The following USP42 variants were observed in gnomAD, a reference collection of about 807,000 sequenced individuals.
The protein encoded by USP42 is ubiquitin specific peptidase 42, also known as ubiquitin carboxyl-terminal hydrolase 42.
Under a neutral mutation model 113.0 loss-of-function variants are expected in USP42, and 23 were observed. That is an observed-to-expected ratio of 0.20 (90% confidence interval 0.15 to 0.29). The LOEUF is 0.29. Ranked by LOEUF, USP42 falls within the 10% of genes least tolerant of loss-of-function variation. The pLI is 1.00. For synonymous variants in USP42, 933 were observed against 699.0 expected, an observed-to-expected ratio of 1.33 and a Z score of -5.28; for missense variants, 2,174 against 1,779.8, an observed-to-expected ratio of 1.22 and a Z score of -3.99.
Position 6,150,114 on chromosome 7 carries a change from G to A in USP42, c.1918G>A (p.Asp640Asn), listed in dbSNP as rs1233537002. 1 of 1,612,432 alleles carries A rather than the reference G, an allele frequency of 6.2e-7. No homozygotes were observed. Among genetic ancestry groups the A allele is most frequent in the African/African-American group, 1.3e-5 (1 of 74,910 alleles). The change falls in exon 13 of 18, where the codon GAT (aspartate) becomes AAT (asparagine). Residue 640 changes from aspartate (D) to asparagine (N), a missense_variant. Coordinates refer to ENST00000306177, the MANE Select transcript of USP42 (RefSeq NM_032172.3). Reference protein sequence around the residue: ...TIVSSHSPGQDAEDEEATPHE... With the variant: ...TIVSSHSPGQNAEDEEATPHE... ...TGTGAGCTCCCACTCTCCCGGCCAA[G>A]ATGCCGAAGATGAGGAGGCCACTCC...
intron 1 of USP42, among the ~76,000 whole-genome samples, chr7:6,109,913 C>T (rs1005090825): frequency 1.3e-5 from 2 of 151,512 alleles, no homozygotes; most frequent in Admixed American, 1.3e-4. Flanking sequence ...GTTGGCCAGA[C>T]TGGTCTCAAA....
intron 14 of USP42, among the ~76,000 whole-genome samples, chr7:6,151,507 A>T (rs573698925): frequency 6.6e-6 from 1 of 152,148 alleles, no homozygotes; most frequent in African/African-American, 2.4e-5. Context: ...GTGCGATCTC[A>T]GCTCACTGCA....
At chr7:6,152,227 G>C (rs1782105208) in intron 14 of USP42, among the ~76,000 whole-genome samples, 1 of 152,234 alleles carries the variant, frequency 6.6e-6, no homozygotes. Flanking sequence ...TCAGAGTGCG[G>C]CCGGATGTCA....
intron 6 of USP42, 31 bp downstream of exon 6, chr7:6,140,226 A>T (rs751598676): frequency 2.5e-6 from 4 of 1,583,386 alleles, no homozygotes; most frequent in African/African-American, 2.7e-5. Flanking sequence ...TGATAAAATG[A>T]TACACACATG....
In USP42 at chr7:6,157,221, G is replaced by T; in HGVS notation, c.3943+166G>T. The T allele has an allele frequency of 7.1e-7, 1 of 1,412,606 alleles. No homozygotes were observed. The highest frequency in any genetic ancestry group is 9.2e-7 in the Non-Finnish European group (1 of 1,088,318). The allele number at this position is 1,412,606 out of a possible 1,614,324, so 87.5% of individuals were successfully genotyped here. A position where few individuals can be genotyped will look rare whatever the true frequency, so the allele number is the denominator to read the frequency against. On this transcript the variant is annotated intron_variant, in intron 16 of 17. Coordinates refer to ENST00000306177, the MANE Select transcript of USP42 (RefSeq NM_032172.3). This position sits in a 1 kb window ranked among gnomAD's most constrained non-coding sequence, Gnocchi z 4.1. ...TCTGGCCTCAGTGCTCATCCCTGCA[G>T]TGTGGTTCCGTTGCACAGTTAAGCC...
In USP42 at chr7:6,154,970, T is replaced by C. The variant is rs1296628818; in HGVS notation, c.3416T>C (p.Leu1139Pro). The C allele has an allele frequency of 6.4e-7, 1 of 1,561,102 alleles. No homozygotes were observed. The highest frequency in any genetic ancestry group is 8.7e-7 in the Non-Finnish European group (1 of 1,152,194). ...CGCTTCTCCCACGACAGAACTGCAC[T>C]TGTAGCCGGAGACAACTGTAACCTC... ...PDRFSHDRTA[L>P]VAGDNCNLSD... The change falls in exon 15 of 18, where the codon CTT (leucine) becomes CCT (proline). Residue 1139 changes from leucine (L) to proline (P), a missense_variant. Transcript: ENST00000306177.
chr7:6,123,866 C>T (rs974991812), intron 3 of USP42, among the ~76,000 whole-genome samples: 3 of 139,320 alleles, frequency 2.2e-5, no homozygotes, highest in Non-Finnish European at 4.6e-5. Flanking sequence ...CTCCAGTTTT[C>T]TTTTTCGTAT....
At chr7:6,113,196 A>G (rs557827757) in intron 2 of USP42, among the ~76,000 whole-genome samples, 1 of 152,126 alleles carries the variant, frequency 6.6e-6, no homozygotes, top group South Asian at 2.1e-4. Flanking sequence ...CACCCGGACA[A>G]CAGTAAGTTT....
Position 6,153,890 on chromosome 7 carries a change from G to C in USP42, c.2336G>C (p.Arg779Pro), listed in dbSNP as rs61729726. The C allele has an allele frequency of 0.34, 533,192 of 1,574,768 alleles. 104,091 individuals are homozygous for C. Among genetic ancestry groups the C allele is most frequent in the African/African-American group, 0.78 (57,674 of 73,618 alleles). Residue 779 changes from arginine to proline, a missense_variant, in exon 15 of 18, where the codon CGC (arginine) becomes CCC (proline). Physicochemically the swap from Arg to Pro is moderately radical, Grantham distance 103. Transcript: ENST00000306177. Reference sequence around the variant, plus strand: ...AGCACCAAGAAGGCTCCGCCGCCCCGCGATCCCGGCACCCCCGCTACCAAA... The same window carrying C: ...AGCACCAAGAAGGCTCCGCCGCCCCCCGATCCCGGCACCCCCGCTACCAAA... ...LSSTKKAPPP[R>P]DPGTPATKEG...
intron 3 of USP42, among the ~76,000 whole-genome samples, chr7:6,128,789 T>C (rs1168207090): frequency 6.6e-6 from 1 of 152,218 alleles, no homozygotes; most frequent in Non-Finnish European, 1.5e-5. Flanking sequence ...TTTTTCAAAA[T>C]TACATCATTT....
the USP42 span, among the ~76,000 whole-genome samples, chr7:6,099,325 C>T: frequency 7.5e-5 from 11 of 147,464 alleles, 2 homozygotes; most frequent in African/African-American, 2.5e-4. Context: ...AGAGATTCTC[C>T]TGCCTTAGCC....
At chr7:6,100,463 G>A (rs1184254076), upstream of USP42, among the ~76,000 whole-genome samples, 2 of 150,756 alleles carry the variant, frequency 1.3e-5, 1 homozygote, top group African/African-American at 5.0e-5. Flanking sequence ...CCAAGTAGCT[G>A]GGATTACAGG....
chr7:6,140,585 C>G (rs1781378925), intron 6 of USP42, among the ~76,000 whole-genome samples: 1 of 152,140 alleles, frequency 6.6e-6, no homozygotes, highest in Non-Finnish European at 1.5e-5. Flanking sequence ...TGCTTTATGT[C>G]TGGGTAAAAA....
At position 6,115,315 on chromosome 7, in the gene USP42, T is replaced by G. The variant is rs1223421732; in HGVS notation, c.242-8T>G. 2 of 1,613,272 alleles carry G rather than the reference T, an allele frequency of 1.2e-6. No homozygotes were observed. The highest frequency in any genetic ancestry group is 1.7e-6 in the Non-Finnish European group (2 of 1,179,686). ...TGGTTTCTGACTCTTTCTTGTTTAT[T>G]TTTCTAGCCCTAGGTGATGGCATCG... On this transcript the variant is annotated splice_region_variant and splice_polypyrimidine_tract_variant and intron_variant, in intron 2 of 17. Coordinates refer to ENST00000306177, the MANE Select transcript of USP42 (RefSeq NM_032172.3).
chr7:6,103,356 G>C (rs1289805462), upstream of USP42, among the ~76,000 whole-genome samples: 1 of 150,544 alleles, frequency 6.6e-6, no homozygotes, highest in East Asian at 1.9e-4. Context: ...GACCAACATG[G>C]TGAAACTCTG....
At chr7:6,102,672 G>A (rs977817701), upstream of USP42, among the ~76,000 whole-genome samples, 2 of 150,846 alleles carry the variant, frequency 1.3e-5, no homozygotes, top group Admixed American at 6.6e-5. Flanking sequence ...AGGCAGCATG[G>A]GTGGGCTTTC....
At chr7:6,119,951 C>G (rs1780123886) in intron 3 of USP42, among the ~76,000 whole-genome samples, 1 of 152,112 alleles carries the variant, frequency 6.6e-6, no homozygotes, top group Admixed American at 6.6e-5. Flanking sequence ...GTTCTCTTGC[C>G]TCAGCCTTTT....
chr7:6,116,678 G>C, intron 3 of USP42: 1 of 469,724 alleles, frequency 2.1e-6, no homozygotes, highest in Non-Finnish European at 4.1e-6. Context: ...AATTTGGAAA[G>C]TACAGAAAAA....
chr7:6,099,665 A>AG, the USP42 span, among the ~76,000 whole-genome samples: 1 of 149,134 alleles, frequency 6.7e-6, no homozygotes, highest in African/African-American at 2.5e-5. Context: ...CCCTCTTTAA[A>AG]GGATCTGTTA....
Sources: gnomAD v4.1 joint callset for allele counts (sites outside exome capture counted in the v4.1 genomes callset) on GRCh38, gnomAD v4.1.1 for gene constraint, Gnocchi (gnomAD v3.1) non-coding constraint, MANE v1.5 for transcripts, NCBI Gene and HGNC (gene_info 2026-07-23, HGNC 2026-07-21) for gene names.